Variants in PCGF3 observed in about 807,000 individuals in gnomAD.
PCGF3 encodes polycomb group ring finger 3.
Under a neutral mutation model 33.1 loss-of-function variants are expected in PCGF3, and 7 were observed. The observed-to-expected ratio is 0.21, with a 90% confidence interval of 0.12 to 0.40. The LOEUF is 0.40. Among genes scored for constraint, PCGF3 ranks in the 10% least tolerant of loss-of-function variants. The pLI, the probability that PCGF3 is intolerant of heterozygous loss-of-function variation, is 1.00. For missense variants in PCGF3, 211 were observed against 313.3 expected (o/e 0.67, Z 2.46); for synonymous variants, 153 against 121.3 (o/e 1.26, Z -1.72).
chr4:710,358 G>A (rs1742511564), intron 1 of PCGF3, among the ~76,000 whole-genome samples: 1 of 152,254 alleles, frequency 6.6e-6, no homozygotes, highest in South Asian at 2.1e-4. Flanking sequence ...GGACGTCCCA[G>A]TGTTTGTGGA....
intron 9 of PCGF3, chr4:762,814 A>T (rs1482880295): frequency 6.6e-6 from 1 of 152,230 alleles, no homozygotes; most frequent in East Asian, 1.9e-4. Flanking sequence ...CCACCTCGTG[A>T]TAATTTCCAC....
At chr4:711,251 C>T (rs1053317842) in intron 1 of PCGF3, among the ~76,000 whole-genome samples, 7 of 152,208 alleles carry the variant, frequency 4.6e-5, no homozygotes, top group African/African-American at 7.2e-5. Flanking sequence ...GTGGCAAAAT[C>T]GAGGAGCTGC....
intron 8 of PCGF3, among the ~76,000 whole-genome samples, chr4:758,246 G>A (rs748299539): frequency 2.9e-4 from 44 of 150,030 alleles, no homozygotes; most frequent in Non-Finnish European, 4.6e-4. Flanking sequence ...CCCCACCGCG[G>A]CTCTCACCGG....
chr4:765,474 G>C (rs571703558), intron 10 of PCGF3, among the ~76,000 whole-genome samples: 1 of 152,134 alleles, frequency 6.6e-6, no homozygotes, highest in African/African-American at 2.4e-5. Flanking sequence ...AGAAATTGTT[G>C]TGAAACACAG....
At chr4:754,663 C>T (rs4690305) in intron 8 of PCGF3, among the ~76,000 whole-genome samples, 67,450 of 151,712 alleles carry the variant, frequency 0.44, 15,040 homozygotes, top group South Asian at 0.62. Flanking sequence ...GGGCCTGTGG[C>T]GAGAACTTGC....
At chr4:743,421 T>A in intron 6 of PCGF3, 53 bp from the exon 7 acceptor site, 2 of 1,061,622 alleles carry the variant, frequency 1.9e-6, no homozygotes, top group Non-Finnish European at 2.9e-6. Flanking sequence ...GAACAGAAGT[T>A]TAATAGAATC....
At chr4:733,532 A>C in intron 3 of PCGF3, 140 bp from the exon 4 acceptor site, 1 of 754,332 alleles carries the variant, frequency 1.3e-6, no homozygotes, top group Non-Finnish European at 2.1e-6. Context: ...GGAGCCTGGG[A>C]CCCCGTGAGC....
Position 735,030 on chromosome 4 carries a change from G to A in PCGF3, c.206+3G>A. On this transcript the variant is annotated splice_donor_region_variant and intron_variant, in intron 5 of 10. Transcript: ENST00000362003. The stretch of plus-strand genomic sequence containing the variant: ...AGCCACCCCCTGCAGTACATCGGGT[G>A]AGTGTGGGCCTTCCCAGGCCACAGT... 6.2e-7 allele frequency: 1 copy of A among 1,611,432 alleles called. No individual in the cohort carries two copies. Among genetic ancestry groups the A allele is most frequent in the Non-Finnish European group, 8.5e-7 (1 of 1,179,562 alleles).
At chr4:749,736 C>A (rs866563876) in intron 8 of PCGF3, among the ~76,000 whole-genome samples, 1 of 152,128 alleles carries the variant, frequency 6.6e-6, no homozygotes, top group South Asian at 2.1e-4. Context: ...CCACCTGCCT[C>A]GGCTTCCCAA....
At chr4:709,314 A>G (rs1025177514) in intron 1 of PCGF3, among the ~76,000 whole-genome samples, 1 of 151,102 alleles carries the variant, frequency 6.6e-6, no homozygotes. Flanking sequence ...TGAATGATGC[A>G]TGAACAAATG....
chr4:716,996 G>T (rs1454515449), intron 1 of PCGF3, among the ~76,000 whole-genome samples: 2 of 147,042 alleles, frequency 1.4e-5, no homozygotes, highest in African/African-American at 5.1e-5. Context: ...GACACTGAGG[G>T]TGAGAACTGG....
chr4:715,516 C>A (rs543652467), intron 1 of PCGF3, among the ~76,000 whole-genome samples: 1 of 127,416 alleles, frequency 7.8e-6, no homozygotes, highest in African/African-American at 3.1e-5. Context: ...GAGAACTGGG[C>A]GTCGGTGCTG....
In PCGF3 at chr4:722,672, G is replaced by A. The variant is rs1047281253; in HGVS notation, c.-189-7958G>A. Among the ~76,000 whole-genome samples the A allele has an allele frequency of 4.3e-5, 5 of 115,484 alleles. 2 individuals are homozygous for A. The highest frequency in any genetic ancestry group is 7.1e-5 in the African/African-American group (2 of 28,180). The allele number at this position is 115,484 out of a possible 152,430, so 75.8% of individuals were successfully genotyped here. On this transcript the variant is annotated intron_variant, in intron 1 of 10. Coordinates refer to ENST00000362003, the Ensembl canonical transcript of PCGF3. ...CACACTCGCGTCATCACCTGTCTGCGCTGGGTCCACACTCGCGTCATCACC... is the reference window on the plus strand; with the variant it reads ...CACACTCGCGTCATCACCTGTCTGCACTGGGTCCACACTCGCGTCATCACC...
chr4:727,407 A>AT (rs1326839496), intron 1 of PCGF3, among the ~76,000 whole-genome samples: 13 of 151,790 alleles, frequency 8.6e-5, no homozygotes, highest in African/African-American at 2.4e-4. Context: ...CACCTGGCTA[A>AT]TTTTTTGTAT....
intron 9 of PCGF3, among the ~76,000 whole-genome samples, chr4:763,139 C>CG (rs756575176): frequency 1.3e-5 from 2 of 151,460 alleles, no homozygotes; most frequent in East Asian, 1.9e-4. Flanking sequence ...AGTCAGGACA[C>CG]GGGGGGAAGG....
chr4:768,718 T>A (rs932437185), exon 11 of PCGF3: 1 of 152,674 alleles, frequency 6.5e-6, no homozygotes, highest in Non-Finnish European at 1.5e-5. Context: ...TTATTTATTC[T>A]ATTTTAAGCC....
chr4:732,658 G>A (rs927064748), intron 3 of PCGF3, among the ~76,000 whole-genome samples: 1 of 152,262 alleles, frequency 6.6e-6, no homozygotes, highest in East Asian at 1.9e-4. Flanking sequence ...GCTCAGCAGA[G>A]AGCTCCAGGC....
Position 749,085 on chromosome 4 carries a change from C to G in PCGF3, c.462+4397C>G, listed in dbSNP as rs1352495451. 2.0e-5 allele frequency among the ~76,000 whole-genome samples: 3 copies of G among 152,198 alleles called. No homozygotes were observed. The East Asian group carries it at 5.8e-4, about 29-fold the overall frequency. Reference sequence around the variant, plus strand: ...TTACTTTTACTAATATTTACCTTTTCTTTTGATCCTTGACGTGCTAAAGAT... The same window carrying G: ...TTACTTTTACTAATATTTACCTTTTGTTTTGATCCTTGACGTGCTAAAGAT... On this transcript the variant is annotated intron_variant, in intron 8 of 10. Transcript: ENST00000362003.
intron 1 of PCGF3, among the ~76,000 whole-genome samples, chr4:725,507 C>T (rs947877544): frequency 3.3e-5 from 5 of 152,120 alleles, no homozygotes; most frequent in Middle Eastern, 3.4e-3. Context: ...GGAACGGGCT[C>T]TGCGCTGTGG....
Sources: allele counts gnomAD v4.1 joint callset (sites outside exome capture counted in the v4.1 genomes callset), GRCh38; gene constraint gnomAD v4.1.1; transcripts MANE v1.5; gene names NCBI Gene and HGNC (gene_info 2026-07-23, HGNC 2026-07-21).